Variants in CA10 observed in about 807,000 individuals in gnomAD.
The protein encoded by CA10 is carbonic anhydrase-related protein 10.
A neutral mutation model predicts 44.2 loss-of-function variants in CA10; 14 were observed. That is an observed-to-expected ratio of 0.32 (90% CI 0.21 to 0.50). The LOEUF is 0.50. Ranked by LOEUF, CA10 falls within the 20% of genes least tolerant of loss-of-function variation. CA10 has a pLI of 0.99. For missense variants in CA10, 350 were observed against 409.7 expected, an observed-to-expected ratio of 0.85 and a Z score of 1.26; for synonymous variants, 159 against 141.6, an observed-to-expected ratio of 1.12 and a Z score of -0.87.
intron 1 of CA10, among the ~76,000 whole-genome samples, chr17:52,076,367 C>A (rs911179913): frequency 5.3e-5 from 8 of 152,164 alleles, no homozygotes; most frequent in Admixed American, 2.6e-4. Flanking sequence ...GCTATCACAT[C>A]CATTCAGAAG....
At chr17:51,768,882 G>A (rs1358884643) in intron 3 of CA10, among the ~76,000 whole-genome samples, 4 of 152,048 alleles carry the variant, frequency 2.6e-5, no homozygotes, top group Admixed American at 6.5e-5. Flanking sequence ...AGTTCATCTC[G>A]TTTTCAGAAA....
intron 3 of CA10, among the ~76,000 whole-genome samples, chr17:51,920,910 C>G (rs1474469878): frequency 6.6e-6 from 1 of 152,170 alleles, no homozygotes; most frequent in Non-Finnish European, 1.5e-5. Flanking sequence ...AATCTGTAAT[C>G]AAAATCCTCT....
At chr17:51,638,272 G>A (rs1912922830) in intron 6 of CA10, among the ~76,000 whole-genome samples, 1 of 152,210 alleles carries the variant, frequency 6.6e-6, no homozygotes, top group Non-Finnish European at 1.5e-5. Context: ...CTACTCCCTT[G>A]ATGGGGTAAG....
chr17:51,989,318 T>C (rs55786349), intron 2 of CA10, among the ~76,000 whole-genome samples: 4,193 of 152,044 alleles, frequency 0.028, 195 homozygotes, highest in African/African-American at 0.096. Flanking sequence ...CCTTCTCCCA[T>C]GCTCCACCCT....
At chr17:52,097,663 C>T (rs954241038) in intron 1 of CA10, among the ~76,000 whole-genome samples, 2 of 152,124 alleles carry the variant, frequency 1.3e-5, no homozygotes, top group Non-Finnish European at 2.9e-5. Flanking sequence ...CACATACTTA[C>T]TCATTTATTC....
intron 3 of CA10, among the ~76,000 whole-genome samples, chr17:51,846,534 T>C (rs1440921686): frequency 6.6e-6 from 1 of 152,226 alleles, no homozygotes. Context: ...ATTATCCTCA[T>C]TTCACAAGTG....
chr17:51,695,031 C>T (rs1394292670), intron 4 of CA10, among the ~76,000 whole-genome samples: 1 of 152,108 alleles, frequency 6.6e-6, no homozygotes, highest in African/African-American at 2.4e-5. Context: ...GTTTTTGTAC[C>T]AGTACCATAC....
intron 2 of CA10, among the ~76,000 whole-genome samples, chr17:52,000,657 A>G (rs1430438887): frequency 2.0e-5 from 3 of 152,088 alleles, no homozygotes; most frequent in Non-Finnish European, 2.9e-5. Context: ...ACAAGGACCA[A>G]TAATCAAATT....
chr17:51,908,747 A>G (rs1036309392), intron 3 of CA10, among the ~76,000 whole-genome samples: 22 of 152,166 alleles, frequency 1.4e-4, no homozygotes, highest in African/African-American at 4.8e-4. Flanking sequence ...GAATGATGCT[A>G]TATCTTCCAA....
intron 3 of CA10, among the ~76,000 whole-genome samples, chr17:51,766,529 G>T (rs1016782700): frequency 6.6e-6 from 1 of 152,278 alleles, no homozygotes; most frequent in South Asian, 2.1e-4. Context: ...TGTTGGGCAG[G>T]TTGCTTAACT....
intron 3 of CA10, among the ~76,000 whole-genome samples, chr17:51,888,693 C>G (rs1044347065): frequency 1.2e-4 from 17 of 146,286 alleles, no homozygotes; most frequent in African/African-American, 4.5e-4. Context: ...TGACCGTCTT[C>G]TAGATCTTGG....
intron 2 of CA10, chr17:52,070,631 A>T (rs559331559): frequency 6.6e-6 from 1 of 152,210 alleles, no homozygotes; most frequent in African/African-American, 2.4e-5. Context: ...TAAGGTTTAC[A>T]TATATTATCT....
intron 3 of CA10, among the ~76,000 whole-genome samples, chr17:51,852,918 A>G (rs1011983286): frequency 6.6e-6 from 1 of 152,178 alleles, no homozygotes; most frequent in Non-Finnish European, 1.5e-5. Context: ...GATCTCTCCC[A>G]TTCTCTTAAT....
chr17:52,156,957 G>T (rs541635651), intron 1 of CA10, among the ~76,000 whole-genome samples: 3 of 151,982 alleles, frequency 2.0e-5, no homozygotes, highest in African/African-American at 4.8e-5. Flanking sequence ...ACCAGAACTC[G>T]TCCTAACACA....
chr17:51,933,012 C>A (rs203093), intron 2 of CA10, among the ~76,000 whole-genome samples: 103,047 of 151,946 alleles, frequency 0.68, 35,287 homozygotes, highest in Non-Finnish European at 0.71. Context: ...AGTCTTTGTC[C>A]GTAACGCACA....
chr17:51,921,584 T>C (rs192589154), intron 3 of CA10, among the ~76,000 whole-genome samples: 16 of 152,326 alleles, frequency 1.1e-4, no homozygotes, highest in Non-Finnish European at 2.2e-4. Context: ...TTTCTATTAG[T>C]TAACCTTACT....
At chr17:52,145,572 TAAG>T (rs1186537632) in intron 1 of CA10, among the ~76,000 whole-genome samples, 3 of 152,222 alleles carry the variant, frequency 2.0e-5, no homozygotes, top group African/African-American at 7.2e-5. Context: ...GAACAATACT[TAAG>T]AAGGCTTAAA....
At chr17:51,752,307 T>C (rs776711306) in intron 3 of CA10, among the ~76,000 whole-genome samples, 4 of 151,264 alleles carry the variant, frequency 2.6e-5, no homozygotes, top group Admixed American at 2.0e-4. Flanking sequence ...AATGAACTAT[T>C]TGGGTGCGCA....
intron 4 of CA10, among the ~76,000 whole-genome samples, chr17:51,727,040 T>C (rs541175240): frequency 6.6e-6 from 1 of 152,300 alleles, no homozygotes; most frequent in Non-Finnish European, 1.5e-5. Flanking sequence ...TGCAGCCTTG[T>C]CTCAATGCCA....
Sources: gnomAD v4.1 joint callset for allele counts (sites outside exome capture counted in the v4.1 genomes callset) on GRCh38, gnomAD v4.1.1 for gene constraint, MANE v1.5 for transcripts, NCBI Gene and HGNC (gene_info 2026-07-23, HGNC 2026-07-21) for gene names.